NPSR1: variants seen among roughly 807,000 people sequenced by gnomAD.
The protein encoded by NPSR1 is neuropeptide S receptor.
In NPSR1, 48 loss-of-function variants were observed where a neutral mutation model predicts 46.9. The observed-to-expected ratio is 1.02, with a 90% CI of 0.81 to 1.30. The LOEUF is 1.30. Ranked by LOEUF, NPSR1 falls within the 50% of genes most tolerant of loss-of-function variation. NPSR1 has a pLI of 0.00. For synonymous variants in NPSR1, 176 were observed against 168.1 expected (o/e 1.05, Z -0.36); for missense variants, 450 against 449.5 (o/e 1.00, Z -0.01).
At chr7:34,755,446 G>A (rs1430840711) in intron 2 of NPSR1, among the ~76,000 whole-genome samples, 4 of 152,194 alleles carry the variant, frequency 2.6e-5, no homozygotes, top group Admixed American at 2.0e-4. Context: ...CTTTTGCTCA[G>A]CATTAGATTC....
chr7:34,735,680 T>C (rs1326845565), intron 2 of NPSR1, among the ~76,000 whole-genome samples: 2 of 152,218 alleles, frequency 1.3e-5, no homozygotes, highest in Non-Finnish European at 2.9e-5. Context: ...TTCATTTCTT[T>C]GAAACAGTAG....
At chr7:34,781,552 G>A (rs2128738420) in intron 3 of NPSR1, among the ~76,000 whole-genome samples, 1 of 152,306 alleles carries the variant, frequency 6.6e-6, no homozygotes, top group East Asian at 1.9e-4. Flanking sequence ...ATTGTCTCTA[G>A]TGGCCTGCTC....
intron 8 of NPSR1, among the ~76,000 whole-genome samples, chr7:34,872,306 G>A (rs556615780): frequency 7.2e-5 from 11 of 152,050 alleles, no homozygotes; most frequent in Admixed American, 6.5e-4. Flanking sequence ...AAGGCCGTAG[G>A]CCTGGCCCCC....
At chr7:34,799,567 C>T (rs1487495982) in intron 3 of NPSR1, among the ~76,000 whole-genome samples, 4 of 150,364 alleles carry the variant, frequency 2.7e-5, no homozygotes, top group Admixed American at 6.6e-5. Flanking sequence ...CTGAAGGAAG[C>T]ACTAAACATG....
intron 8 of NPSR1, among the ~76,000 whole-genome samples, chr7:34,876,760 T>A (rs1306089018): frequency 3.9e-5 from 6 of 152,352 alleles, no homozygotes; most frequent in Middle Eastern, 3.4e-3. Context: ...TCATGACCTC[T>A]ATGGGACCAC....
Position 34,833,127 on chromosome 7 carries a change from A to G in NPSR1, c.681-1257A>G, listed in dbSNP as rs73327801. Among the ~76,000 whole-genome samples the G allele has an allele frequency of 5.1e-3, 772 of 152,374 alleles. 11 individuals are homozygous for G. Among genetic ancestry groups the G allele is most frequent in the African/African-American group, 0.018 (731 of 41,592 alleles). The stretch of plus-strand genomic sequence containing the variant: ...TTAATTAAGTTATATTCTAAAGATC[A>G]TTAAAAGCAATTAGTGCTTTGTCGG... On this transcript the variant is annotated intron_variant, in intron 5 of 8. Coordinates refer to ENST00000360581, the MANE Select transcript of NPSR1 (RefSeq NM_207172.2).
chr7:34,811,942 C>T, intron 4 of NPSR1, 79 bp downstream of exon 4: 1 of 865,076 alleles, frequency 1.2e-6, no homozygotes, highest in East Asian at 2.5e-5. Flanking sequence ...TAATATTTTA[C>T]TCTTAATAAT....
chr7:34,728,617 A>G (rs1441856062), intron 2 of NPSR1: 1 of 152,664 alleles, frequency 6.6e-6, no homozygotes, highest in Non-Finnish European at 1.5e-5. Flanking sequence ...CCATCCAAGC[A>G]ATTAAACAGG....
At chr7:34,684,516 T>C in intron 1 of NPSR1, 36 bp from the exon 2 acceptor site, 1 of 1,608,204 alleles carries the variant, frequency 6.2e-7, no homozygotes, top group Non-Finnish European at 8.5e-7. Context: ...CAGTTCTCAC[T>C]GGTACACTGG....
At chr7:34,858,950 T>C (rs192916545) in intron 8 of NPSR1, among the ~76,000 whole-genome samples, 1 of 151,612 alleles carries the variant, frequency 6.6e-6, no homozygotes, top group East Asian at 1.9e-4. Flanking sequence ...CAGATTGAAA[T>C]ATCTTTGTGG....
chr7:34,738,711 ATTCTTT>A (rs1784799485), intron 2 of NPSR1, among the ~76,000 whole-genome samples: 1 of 152,172 alleles, frequency 6.6e-6, no homozygotes, highest in South Asian at 2.1e-4. Flanking sequence ...ATATACCATT[ATTCTTT>A]TTCTAACATC....
intron 2 of NPSR1, chr7:34,751,237 T>C (rs1179652323): frequency 8.5e-6 from 9 of 1,052,896 alleles, no homozygotes; most frequent in Admixed American, 3.4e-5. Flanking sequence ...AACGATGAGA[T>C]TAGACCGGAC....
chr7:34,870,985 T>C (rs1452649259), intron 8 of NPSR1, among the ~76,000 whole-genome samples: 1 of 151,730 alleles, frequency 6.6e-6, no homozygotes, highest in Non-Finnish European at 1.5e-5. Context: ...GATGGATATC[T>C]GAAAGCAGAA....
At chr7:34,818,281 A>G (rs908100014) in intron 4 of NPSR1, among the ~76,000 whole-genome samples, 1 of 152,178 alleles carries the variant, frequency 6.6e-6, no homozygotes, top group Non-Finnish European at 1.5e-5. Context: ...ATAAGAGACA[A>G]ACAGAGAGCC....
chr7:34,798,366 G>A (rs1464036979), intron 3 of NPSR1, among the ~76,000 whole-genome samples: 4 of 151,960 alleles, frequency 2.6e-5, no homozygotes, highest in Non-Finnish European at 4.4e-5. Context: ...GAAACCCCGT[G>A]TCTACTAAAA....
intron 1 of NPSR1, among the ~76,000 whole-genome samples, chr7:34,659,017 C>T (rs1327976563): frequency 4.6e-5 from 7 of 152,126 alleles, no homozygotes; most frequent in Non-Finnish European, 7.3e-5. Flanking sequence ...GCAGGAAGGA[C>T]GACACTTTCT....
chr7:34,823,173 T>G (rs1789641543), intron 4 of NPSR1, among the ~76,000 whole-genome samples: 1 of 151,988 alleles, frequency 6.6e-6, no homozygotes, highest in South Asian at 2.1e-4. Flanking sequence ...GGTGGATCAC[T>G]TGAGGTCACA....
At chr7:34,809,604 C>T (rs1788885027) in intron 3 of NPSR1, among the ~76,000 whole-genome samples, 1 of 151,328 alleles carries the variant, frequency 6.6e-6, no homozygotes, top group Non-Finnish European at 1.5e-5. Context: ...GCTGGGACTA[C>T]AGGCGCCCGC....
At chr7:34,839,282 A>C (rs1790488142) in intron 6 of NPSR1, among the ~76,000 whole-genome samples, 1 of 152,250 alleles carries the variant, frequency 6.6e-6, no homozygotes, top group South Asian at 2.1e-4. Context: ...CAAGTTAATA[A>C]ATTTCCAATC....
Sources: allele counts gnomAD v4.1 joint callset (sites outside exome capture counted in the v4.1 genomes callset), GRCh38; gene constraint gnomAD v4.1.1; transcripts MANE v1.5; gene names NCBI Gene and HGNC (gene_info 2026-07-23, HGNC 2026-07-21).